Variants in CNTNAP4 observed in about 807,000 individuals in gnomAD.
The protein encoded by CNTNAP4 is contactin associated protein family member 4.
Under a neutral mutation model 148.4 loss-of-function variants are expected in CNTNAP4, and 98 were observed. That is an observed-to-expected ratio of 0.66 (90% CI 0.56 to 0.78). The LOEUF is 0.78. CNTNAP4 is among the 30% of genes least tolerant of loss of function. CNTNAP4 has a pLI of 0.00. For synonymous variants in CNTNAP4, 730 were observed against 565.1 expected (o/e 1.29, Z -4.14); for missense variants, 1,935 against 1,565.6 (o/e 1.24, Z -3.98).
chr16:76,435,150 A>G (rs1451777661), intron 4 of CNTNAP4, among the ~76,000 whole-genome samples: 5 of 152,106 alleles, frequency 3.3e-5, no homozygotes, highest in Non-Finnish European at 5.9e-5. Context: ...CCCTTCATTC[A>G]AGGGGTTCTG....
At chr16:76,517,024 T>C (rs1426445215) in intron 15 of CNTNAP4, among the ~76,000 whole-genome samples, 2 of 152,186 alleles carry the variant, frequency 1.3e-5, no homozygotes, top group South Asian at 2.1e-4. Flanking sequence ...TATTGCACCA[T>C]TGCTTTCCAT....
intron 18 of CNTNAP4, among the ~76,000 whole-genome samples, chr16:76,537,915 A>G (rs577993080): frequency 1.3e-5 from 2 of 152,248 alleles, no homozygotes; most frequent in South Asian, 4.1e-4. Flanking sequence ...TAGTGCATTA[A>G]TTATATGTCA....
chr16:76,401,138 A>C lies in CNTNAP4; in HGVS notation c.391-26314A>C, dbSNP rs542589760. ...GTACATTGCTTTGGGCAGTACGGCCATTTTAATGATAGTGAGTCTTCCTAT... is the reference window on the plus strand; with the variant it reads ...GTACATTGCTTTGGGCAGTACGGCCCTTTTAATGATAGTGAGTCTTCCTAT... On this transcript the variant is annotated intron_variant, in intron 3 of 23. Transcript: ENST00000611870. Among the ~76,000 whole-genome samples, 10 of 152,134 alleles carry C rather than the reference A, an allele frequency of 6.6e-5. No homozygotes were observed. In the East Asian group the frequency reaches 1.9e-3, roughly 29 times the overall value.
rs193116572 is a variant in CNTNAP4, at chr16:76,553,406, A to G, written c.3566A>G (p.Asp1189Gly). ...GCAGCTCTGCACCCCAGCCACCCAG[A>G]CCCTGTCACTGTTACAGGACACGTG... Reference protein sequence around the residue: ...LKAALHPSHPDPVTVTGHVTE... With the variant: ...LKAALHPSHPGPVTVTGHVTE... The change falls in exon 22 of 24, where the codon GAC (aspartate) becomes GGC (glycine). Residue 1189 changes from aspartate to glycine, a missense_variant. Coordinates refer to ENST00000611870, the MANE Select transcript of CNTNAP4 (RefSeq NM_033401.5). 2.8e-5 allele frequency: 45 copies of G among 1,612,474 alleles called. No individual in the cohort carries two copies. Among genetic ancestry groups the G allele is most frequent in the Middle Eastern group, 1.7e-4 (1 of 6,058 alleles).
chr16:76,521,002 A>G, intron 15 of CNTNAP4, 138 bp from the exon 16 acceptor site: 1 of 749,614 alleles, frequency 1.3e-6, no homozygotes, highest in Non-Finnish European at 2.1e-6. Flanking sequence ...TAGTTGACAG[A>G]AAAAAAGAGC....
chr16:76,371,808 A>G (rs1049858915), intron 3 of CNTNAP4, among the ~76,000 whole-genome samples: 8 of 152,052 alleles, frequency 5.3e-5, no homozygotes, highest in Non-Finnish European at 1.0e-4. Context: ...GTACTTTCCT[A>G]TTTCTCTTCT....
intron 12 of CNTNAP4, among the ~76,000 whole-genome samples, chr16:76,482,984 AAG>A (rs970342730): frequency 6.6e-6 from 1 of 152,216 alleles, no homozygotes; most frequent in Non-Finnish European, 1.5e-5. Flanking sequence ...CAGAGAAAAA[AAG>A]AGAGAAGACT....
Position 76,395,556 on chromosome 16 carries a change from G to A in CNTNAP4, c.391-31896G>A, listed in dbSNP as rs145707621. Among the ~76,000 whole-genome samples the A allele has an allele frequency of 4.4e-3, 668 of 151,862 alleles. 7 individuals are homozygous for A. The highest frequency in any genetic ancestry group is 0.014 in the East Asian group (72 of 5,138). On this transcript the variant is annotated intron_variant, in intron 3 of 23. Transcript: ENST00000611870. ...TGGTATTACAGGCGTGAGCCACCGC[G>A]CCCGGCCAAAGATTCTTAAAATAGG...
At chr16:76,370,622 A>G (rs530764443) in intron 3 of CNTNAP4, among the ~76,000 whole-genome samples, 3 of 152,214 alleles carry the variant, frequency 2.0e-5, no homozygotes, top group Non-Finnish European at 2.9e-5. Flanking sequence ...GGGTCAGAGC[A>G]GGGAAAGGGT....
intron 1 of CNTNAP4, among the ~76,000 whole-genome samples, chr16:76,284,906 A>G (rs558491341): frequency 2.0e-5 from 3 of 152,154 alleles, no homozygotes; most frequent in African/African-American, 7.2e-5. Context: ...ATATAATTGC[A>G]CAAGCAAAGA....
chr16:76,419,989 G>A (rs111539211), intron 3 of CNTNAP4, among the ~76,000 whole-genome samples: 3,658 of 152,026 alleles, frequency 0.024, 77 homozygotes, highest in Non-Finnish European at 0.036. Context: ...GTCACATTGT[G>A]GGTTAGGGCT....
At chr16:76,476,171 T>G (rs2081569998) in intron 11 of CNTNAP4, 126 bp downstream of exon 11, 2 of 605,526 alleles carry the variant, frequency 3.3e-6, no homozygotes, top group South Asian at 2.4e-5. Context: ...AATCCACATC[T>G]CATTTCATAA....
chr16:76,518,313 A>G (rs931306889), intron 15 of CNTNAP4, among the ~76,000 whole-genome samples: 1 of 151,974 alleles, frequency 6.6e-6, no homozygotes, highest in Non-Finnish European at 1.5e-5. Flanking sequence ...TTTTTAGTAG[A>G]GACAGGGTTT....
intron 10 of CNTNAP4, among the ~76,000 whole-genome samples, chr16:76,468,685 C>T (rs1194340984): frequency 6.6e-6 from 1 of 151,826 alleles, no homozygotes; most frequent in Non-Finnish European, 1.5e-5. Flanking sequence ...AGGGTTTTGC[C>T]ATGTTCAGGT....
intron 1 of CNTNAP4, among the ~76,000 whole-genome samples, chr16:76,313,789 A>G (rs962384352): frequency 6.6e-6 from 1 of 152,256 alleles, no homozygotes; most frequent in African/African-American, 2.4e-5. Flanking sequence ...AGGTGAATCT[A>G]GATAATTCTT....
chr16:76,429,664 A>T (rs559037551), intron 4 of CNTNAP4, among the ~76,000 whole-genome samples: 1 of 152,286 alleles, frequency 6.6e-6, no homozygotes, highest in South Asian at 2.1e-4. Context: ...CATGGTGGTG[A>T]TAGCTAAGGT....
chr16:76,534,252 C>G (rs2084117796), intron 17 of CNTNAP4, among the ~76,000 whole-genome samples: 1 of 152,120 alleles, frequency 6.6e-6, no homozygotes, highest in Admixed American at 6.5e-5. Context: ...ATTTGTCTAC[C>G]ACTGTTCTTT....
At chr16:76,282,333 T>A (rs781087803) in intron 1 of CNTNAP4, among the ~76,000 whole-genome samples, 1 of 151,900 alleles carries the variant, frequency 6.6e-6, no homozygotes, top group Non-Finnish European at 1.5e-5. Context: ...GGATAAGATA[T>A]TTGATGAAAT....
intron 1 of CNTNAP4, among the ~76,000 whole-genome samples, chr16:76,279,112 T>TAAC (rs921929579): frequency 6.6e-6 from 1 of 152,132 alleles, no homozygotes; most frequent in Non-Finnish European, 1.5e-5. Context: ...AAGCAAACAA[T>TAAC]AACAACAACA....
Sources: gnomAD v4.1 joint callset for allele counts (sites outside exome capture counted in the v4.1 genomes callset) on GRCh38, gnomAD v4.1.1 for gene constraint, MANE v1.5 for transcripts, NCBI Gene and HGNC (gene_info 2026-07-23, HGNC 2026-07-21) for gene names.